Variants in CADPS observed in about 807,000 individuals in gnomAD.
CADPS encodes calcium-dependent secretion activator 1.
A neutral mutation model predicts 167.3 loss-of-function variants in CADPS; 57 were observed. The observed-to-expected ratio is 0.34, with a 90% CI of 0.28 to 0.42. CADPS has a LOEUF of 0.42. Among genes scored for constraint, CADPS ranks in the 20% least tolerant of loss-of-function variants. The pLI, the probability that CADPS is intolerant of heterozygous loss-of-function variation, is 1.00. For synonymous variants in CADPS, 676 were observed against 635.3 expected, an observed-to-expected ratio of 1.06 and a Z score of -0.96; for missense variants, 1,414 against 1,738.1, an observed-to-expected ratio of 0.81 and a Z score of 3.32.
chr3:62,594,522 A>G (rs1343876759), intron 6 of CADPS, among the ~76,000 whole-genome samples: 1 of 152,172 alleles, frequency 6.6e-6, no homozygotes, highest in East Asian at 1.9e-4. Flanking sequence ...TAATTTATTT[A>G]GCCATTGTTC....
chr3:62,504,808 G>T (rs1445030740), intron 17 of CADPS, among the ~76,000 whole-genome samples: 1 of 152,206 alleles, frequency 6.6e-6, no homozygotes, highest in South Asian at 2.1e-4. Context: ...AACAAAAAGA[G>T]AATTCCGCAG....
chr3:62,565,078 C>T (rs2079898807), intron 9 of CADPS, among the ~76,000 whole-genome samples: 1 of 152,096 alleles, frequency 6.6e-6, no homozygotes, highest in Non-Finnish European at 1.5e-5. Context: ...GAATTGGCAC[C>T]TTTATCATTA....
intron 28 of CADPS, among the ~76,000 whole-genome samples, chr3:62,418,226 T>C (rs2050538608): frequency 6.6e-6 from 1 of 151,932 alleles, no homozygotes; most frequent in South Asian, 2.1e-4. Context: ...ATGTAATAAA[T>C]TGGCTTTTAA....
intron 3 of CADPS, among the ~76,000 whole-genome samples, chr3:62,701,330 C>T (rs943160027): frequency 6.6e-6 from 1 of 151,916 alleles, no homozygotes; most frequent in African/African-American, 2.4e-5. Context: ...ACTGAAGATC[C>T]CAATACATGG....
intron 13 of CADPS, among the ~76,000 whole-genome samples, chr3:62,532,106 GTAC>G (rs2073822960): frequency 6.6e-6 from 1 of 152,194 alleles, no homozygotes; most frequent in South Asian, 2.1e-4. Context: ...CTCTGGAAAT[GTAC>G]TTGGCTTCCT....
chr3:62,873,819 T>A (rs1161576867), intron 1 of CADPS, among the ~76,000 whole-genome samples: 2 of 151,572 alleles, frequency 1.3e-5, no homozygotes, highest in Non-Finnish European at 2.9e-5. Flanking sequence ...GAGAATAGGG[T>A]CAAAGACAGG....
intron 3 of CADPS, among the ~76,000 whole-genome samples, chr3:62,707,705 C>T (rs947367838): frequency 6.6e-6 from 1 of 152,082 alleles, no homozygotes; most frequent in Non-Finnish European, 1.5e-5. Flanking sequence ...AAAACATCAA[C>T]ATAAGAAAAC....
chr3:62,704,591 T>C (rs1461471090), intron 3 of CADPS, among the ~76,000 whole-genome samples: 1 of 152,140 alleles, frequency 6.6e-6, no homozygotes, highest in African/African-American at 2.4e-5. Flanking sequence ...CCACTCTGCA[T>C]TGGACTTTGT....
chr3:62,420,346 C>T lies in CADPS; in HGVS notation c.3778-17161G>A, dbSNP rs910032775. Among the ~76,000 whole-genome samples the T allele has an allele frequency of 6.6e-6, 1 of 152,180 alleles. No individual in the cohort carries two copies. The highest frequency in any genetic ancestry group is 1.5e-5 in the Non-Finnish European group (1 of 68,040). ...ATGAGCTCTTTGGGGAATGATTTCT[C>T]ATAAGGGAAGAACATGATCTTTTTA... On this transcript the variant is annotated intron_variant, in intron 28 of 29. Transcript: ENST00000383710. This position sits in a 1 kb window ranked among gnomAD's most constrained non-coding sequence, Gnocchi z 4.1.
intron 3 of CADPS, among the ~76,000 whole-genome samples, chr3:62,664,493 C>G (rs973290216): frequency 1.3e-5 from 2 of 152,218 alleles, no homozygotes; most frequent in African/African-American, 2.4e-5. Context: ...AATACAGTGT[C>G]CTCAGTGCTG....
intron 1 of CADPS, among the ~76,000 whole-genome samples, chr3:62,792,029 T>C (rs2092991115): frequency 6.6e-6 from 1 of 152,162 alleles, no homozygotes; most frequent in Non-Finnish European, 1.5e-5. Context: ...GGGTATTAAC[T>C]ACAGCCCATG....
chr3:62,844,003 T>C (rs1313215691), intron 1 of CADPS, among the ~76,000 whole-genome samples: 1 of 152,178 alleles, frequency 6.6e-6, no homozygotes, highest in Non-Finnish European at 1.5e-5. Context: ...GGCAAGTATA[T>C]AAAATTTGAA....
intron 1 of CADPS, among the ~76,000 whole-genome samples, chr3:62,822,710 C>T (rs374184842): frequency 2.6e-5 from 4 of 152,006 alleles, no homozygotes; most frequent in Non-Finnish European, 2.9e-5. Context: ...GGCGTGGTAG[C>T]GCATGCCTGT....
chr3:62,715,753 C>CTTTTTTTTTTTTTTT (rs71123291), intron 3 of CADPS, among the ~76,000 whole-genome samples: 3 of 89,696 alleles, frequency 3.3e-5, no homozygotes, highest in Admixed American at 1.6e-4. Flanking sequence ...GATTATAAAT[C>CTTTTTTTTTTTTTTT]TTTTTTTTTT....
chr3:62,586,799 A>C (rs2084747980), intron 7 of CADPS, among the ~76,000 whole-genome samples: 1 of 152,200 alleles, frequency 6.6e-6, no homozygotes, highest in South Asian at 2.1e-4. Context: ...ATATTACATA[A>C]GTTTACTTTG....
chr3:62,497,608 G>C (rs1161618064), intron 18 of CADPS, among the ~76,000 whole-genome samples: 1 of 152,230 alleles, frequency 6.6e-6, no homozygotes, highest in Non-Finnish European at 1.5e-5. Context: ...ACTCATGGCT[G>C]TGCGTTGCGG....
chr3:62,620,154 CT>C (rs1321082175), intron 6 of CADPS, among the ~76,000 whole-genome samples: 1 of 151,964 alleles, frequency 6.6e-6, no homozygotes, highest in Non-Finnish European at 1.5e-5. Context: ...AAGAGAATCA[CT>C]TAATTAGACA....
At chr3:62,467,875 A>G (rs1446134320) in intron 24 of CADPS, among the ~76,000 whole-genome samples, 1 of 152,086 alleles carries the variant, frequency 6.6e-6, no homozygotes, top group Non-Finnish European at 1.5e-5. Flanking sequence ...AGATGTGAAA[A>G]TATTTTGTCA....
chr3:62,483,009 G>C (rs1487277374), intron 21 of CADPS, among the ~76,000 whole-genome samples: 1 of 151,954 alleles, frequency 6.6e-6, no homozygotes, highest in Non-Finnish European at 1.5e-5. Context: ...TGGAAGGACG[G>C]TGTCATACAC....
Sources: allele counts gnomAD v4.1 joint callset (sites outside exome capture counted in the v4.1 genomes callset), GRCh38; gene constraint gnomAD v4.1.1; non-coding constraint Gnocchi (gnomAD v3.1); transcripts MANE v1.5; gene names NCBI Gene and HGNC (gene_info 2026-07-23, HGNC 2026-07-21).